LRRC28: variants seen among roughly 807,000 people sequenced by gnomAD.
LRRC28 encodes the protein leucine rich repeat containing 28.
In LRRC28, 39 loss-of-function variants were observed where a neutral mutation model predicts 45.7. That is an observed-to-expected ratio of 0.85 (90% CI 0.66 to 1.12). LRRC28 has a LOEUF of 1.12. Among genes scored for constraint, LRRC28 ranks in the 50% most tolerant of loss-of-function variants. LRRC28 has a pLI of 0.00. For missense variants in LRRC28, 435 were observed against 438.5 expected, an observed-to-expected ratio of 0.99 and a Z score of 0.07; for synonymous variants, 206 against 178.8, an observed-to-expected ratio of 1.15 and a Z score of -1.22.
chr15:99,349,877 C>T (rs1410023350), intron 6 of LRRC28, among the ~76,000 whole-genome samples: 2 of 152,138 alleles, frequency 1.3e-5, no homozygotes, highest in Non-Finnish European at 2.9e-5. Context: ...TGGCTCACGC[C>T]TGTAATCCCA....
chr15:99,363,316 A>T (rs772303211), intron 9 of LRRC28, 51 bp downstream of exon 9: 1 of 1,597,618 alleles, frequency 6.3e-7, no homozygotes, highest in Non-Finnish European at 8.5e-7. Context: ...AAGGGGTGGC[A>T]GGTGGGGAGG....
At chr15:99,267,207 CGGT>C (rs1567608396) in intron 2 of LRRC28, among the ~76,000 whole-genome samples, 1 of 152,106 alleles carries the variant, frequency 6.6e-6, no homozygotes, top group Non-Finnish European at 1.5e-5. Flanking sequence ...CTCTCTTAGC[CGGT>C]GGTTAGGTGA....
intron 5 of LRRC28, among the ~76,000 whole-genome samples, chr15:99,314,606 T>A (rs1472016719): frequency 6.6e-6 from 1 of 152,182 alleles, no homozygotes; most frequent in Non-Finnish European, 1.5e-5. Context: ...GTGTTCACAG[T>A]TACTGACAAA....
chr15:99,253,743 C>G (rs575967539), intron 1 of LRRC28, among the ~76,000 whole-genome samples: 1 of 152,278 alleles, frequency 6.6e-6, no homozygotes, highest in East Asian at 1.9e-4. Context: ...TTGGAAGTGA[C>G]TAGAGTGGAC....
intron 3 of LRRC28, chr15:99,285,078 A>T: frequency 5.8e-6 from 4 of 685,786 alleles, no homozygotes; most frequent in Non-Finnish European, 8.2e-6. Context: ...CATTCACATT[A>T]TGGTATTTCT....
At chr15:99,292,905 T>C (rs1182825928) in intron 5 of LRRC28, among the ~76,000 whole-genome samples, 1 of 152,236 alleles carries the variant, frequency 6.6e-6, no homozygotes, top group African/African-American at 2.4e-5. Context: ...TTATTCAGCT[T>C]GTTTTAGTTG....
intron 9 of LRRC28, among the ~76,000 whole-genome samples, chr15:99,369,615 C>T (rs1957427050): frequency 6.6e-6 from 1 of 152,186 alleles, no homozygotes; most frequent in Non-Finnish European, 1.5e-5. Flanking sequence ...GGATGAGGCC[C>T]ACCCACACTA....
intron 6 of LRRC28, among the ~76,000 whole-genome samples, chr15:99,339,874 C>T (rs906507430): frequency 2.0e-5 from 3 of 152,082 alleles, no homozygotes; most frequent in Non-Finnish European, 2.9e-5. Context: ...CTAAACCAGC[C>T]CCAGAATTAT....
chr15:99,262,454 C>T (rs917684330), intron 2 of LRRC28, among the ~76,000 whole-genome samples: 9 of 151,988 alleles, frequency 5.9e-5, no homozygotes, highest in African/African-American at 1.7e-4. Context: ...TGGTGGTGCG[C>T]GTCTGTAGTC....
chr15:99,256,007 A>G lies in LRRC28; in HGVS notation c.50A>G (p.His17Arg), dbSNP rs928811303. Residue 17 changes from histidine (H) to arginine (R), a missense_variant, in exon 2 of 10, where the codon CAC (histidine) becomes CGC (arginine). By Grantham distance (29) the His-to-Arg change is conservative (BLOSUM62 0). Transcript: ENST00000301981. ...KTISVARLEK[H>R]KNLFLNYRNL... ...ATCTCTGTGGCAAGGCTAGAAAAGC[A>G]CAAGAATTTGTTCTTAAATTATAGG... 6.2e-7 allele frequency: 1 copy of G among 1,613,432 alleles called. No individual in the cohort carries two copies. The highest frequency in any genetic ancestry group is 1.3e-5 in the African/African-American group (1 of 75,042).
At chr15:99,365,915 T>C (rs1957327424) in intron 9 of LRRC28, among the ~76,000 whole-genome samples, 1 of 152,236 alleles carries the variant, frequency 6.6e-6, no homozygotes, top group African/African-American at 2.4e-5. Flanking sequence ...CCTGTAGGCA[T>C]AGCAAATTTT....
intron 9 of LRRC28, among the ~76,000 whole-genome samples, chr15:99,383,660 T>A (rs746958150): frequency 4.7e-4 from 72 of 152,200 alleles, no homozygotes; most frequent in Non-Finnish European, 8.7e-4. Flanking sequence ...TAATCGTATA[T>A]CTATGAAGGC....
chr15:99,282,979 G>T (rs912237105), intron 3 of LRRC28, among the ~76,000 whole-genome samples: 1 of 151,934 alleles, frequency 6.6e-6, no homozygotes, highest in African/African-American at 2.4e-5. Flanking sequence ...TGCAACCTCC[G>T]CCTCCTGGGT....
At chr15:99,365,370 G>A (rs1957312177) in intron 9 of LRRC28, among the ~76,000 whole-genome samples, 1 of 152,234 alleles carries the variant, frequency 6.6e-6, no homozygotes, top group East Asian at 1.9e-4. Context: ...TAGCAGAGAT[G>A]AAATGCCAAG....
At position 99,386,375 on chromosome 15, in the gene LRRC28, A is replaced by C. The variant is rs1184187533; in HGVS notation, c.*273A>C. ...CCATTTAGATTGATGGGCCTCCCCAAATCTAATTTAAAGCAAGTTTCCGGT... is the reference window on the plus strand; with the variant it reads ...CCATTTAGATTGATGGGCCTCCCCACATCTAATTTAAAGCAAGTTTCCGGT... On this transcript the variant is annotated 3_prime_UTR_variant, in exon 10 of 10. Coordinates refer to ENST00000301981, the MANE Select transcript of LRRC28 (RefSeq NM_144598.5). 8 of 345,188 alleles carry C rather than the reference A, an allele frequency of 2.3e-5. No individual in the cohort carries two copies. The allele number at this position is 345,188 out of a possible 1,614,324, so 21.4% of individuals were successfully genotyped here.
At chr15:99,285,219 G>A (rs2081925917) in intron 3 of LRRC28, 2 of 731,516 alleles carry the variant, frequency 2.7e-6, no homozygotes, top group South Asian at 1.3e-5. Flanking sequence ...AATAATCTTA[G>A]GTAATGTTCT....
chr15:99,264,581 C>A (rs1343424778), intron 2 of LRRC28, among the ~76,000 whole-genome samples: 1 of 152,178 alleles, frequency 6.6e-6, no homozygotes, highest in African/African-American at 2.4e-5. Context: ...TATTGATGTT[C>A]TCTATGCAAA....
At chr15:99,268,170 A>G (rs2081380791) in intron 2 of LRRC28, among the ~76,000 whole-genome samples, 2 of 152,182 alleles carry the variant, frequency 1.3e-5, no homozygotes, top group Admixed American at 1.3e-4. Flanking sequence ...ACGTTTATCG[A>G]CTGTGGAGAA....
intron 5 of LRRC28, 136 bp from the exon 6 acceptor site, chr15:99,333,786 CT>C: frequency 2.3e-6 from 2 of 874,606 alleles, no homozygotes; most frequent in East Asian, 2.7e-5. Context: ...ACCAAAAATC[CT>C]GCACTTCAGC....
Sources: gnomAD v4.1 joint callset for allele counts (sites outside exome capture counted in the v4.1 genomes callset) on GRCh38, gnomAD v4.1.1 for gene constraint, MANE v1.5 for transcripts, NCBI Gene and HGNC (gene_info 2026-07-23, HGNC 2026-07-21) for gene names.